The following RARB variants were observed in gnomAD, a reference collection of about 807,000 sequenced individuals.
RARB encodes retinoic acid receptor beta, also known as HBV-activated protein.
A neutral mutation model predicts 51.9 loss-of-function variants in RARB; 17 were observed. The ratio of observed to expected loss-of-function variants is 0.33; its 90% confidence interval spans 0.22 to 0.49. The LOEUF (loss-of-function observed/expected upper bound fraction) is 0.49, where lower values mean the gene tolerates loss of function less well. Among genes scored for constraint, RARB ranks in the 20% least tolerant of loss-of-function variants. The probability of loss-of-function intolerance (pLI) is 0.99; values close to 1 mark genes in which losing one functional copy is unlikely to be tolerated. For synonymous variants in RARB, 215 were observed against 195.4 expected, an observed-to-expected ratio of 1.10 and a Z score of -0.84; for missense variants, 369 against 550.8, an observed-to-expected ratio of 0.67 and a Z score of 3.30.
At chr3:24,876,700 C>T (rs1703049809) in intron 2 of RARB, among the ~76,000 whole-genome samples, 1 of 152,088 alleles carries the variant, frequency 6.6e-6, no homozygotes, top group Admixed American at 6.5e-5. Flanking sequence ...CAAGGACCCA[C>T]AATATATTAA....
intron 1 of RARB, among the ~76,000 whole-genome samples, chr3:25,447,823 C>T (rs1307704273): frequency 6.6e-6 from 1 of 151,850 alleles, no homozygotes; most frequent in Non-Finnish European, 1.5e-5. Context: ...TTTAGAGAAT[C>T]TCTTAGGTAC....
At position 25,556,618 on chromosome 3, in the gene RARB, C is replaced by A. The variant is rs73048071; in HGVS notation, c.449-13140C>A. ...TATAAATTACTGGCTTAAATGTGAC[C>A]TTTAAAGTCTCTTGGCCAAAGTTTC... is the stretch of plus-strand genomic sequence containing the variant. On this transcript the variant is annotated intron_variant, in intron 3 of 7. Transcript: ENST00000330688. Among the ~76,000 whole-genome samples the A allele has an allele frequency of 3.4e-3, 516 of 152,252 alleles. 2 individuals carry two copies. The highest frequency in any genetic ancestry group is 0.01 in the Middle Eastern group (3 of 294).
intron 2 of RARB, among the ~76,000 whole-genome samples, chr3:25,492,274 A>G (rs1411190505): frequency 2.0e-5 from 3 of 152,240 alleles, no homozygotes; most frequent in Non-Finnish European, 4.4e-5. Context: ...TTGGAAATAG[A>G]AAAAGATATA....
chr3:24,941,374 C>CTTTT (rs567240324), intron 2 of RARB, among the ~76,000 whole-genome samples: 28 of 145,942 alleles, frequency 1.9e-4, no homozygotes, highest in Middle Eastern at 3.6e-3. Flanking sequence ...AAAAGGCAGT[C>CTTTT]TTTTTTTTTT....
chr3:25,241,611 C>T (rs1241491043), intron 5 of RARB, among the ~76,000 whole-genome samples: 4 of 152,174 alleles, frequency 2.6e-5, no homozygotes, highest in African/African-American at 9.7e-5. Flanking sequence ...TGATGGCTTC[C>T]AGATTCATGC....
At chr3:25,482,099 T>C (rs980615987) in intron 2 of RARB, among the ~76,000 whole-genome samples, 20 of 152,228 alleles carry the variant, frequency 1.3e-4, no homozygotes, top group Admixed American at 6.5e-4. Flanking sequence ...AAGCCTCTGC[T>C]TTCAGCTCCC....
chr3:25,496,005 A>T (rs1184930866), intron 2 of RARB, among the ~76,000 whole-genome samples: 1 of 152,230 alleles, frequency 6.6e-6, no homozygotes, highest in Non-Finnish European at 1.5e-5. Context: ...TCCAACTCAG[A>T]TCAGTGTGTC....
intron 3 of RARB, among the ~76,000 whole-genome samples, chr3:25,065,398 A>G (rs990586716): frequency 1.3e-4 from 20 of 152,220 alleles, no homozygotes; most frequent in African/African-American, 4.8e-4. Context: ...ATGTTTTGAT[A>G]GAGGATAATT....
chr3:25,096,683 A>C (rs1699298160), intron 3 of RARB, among the ~76,000 whole-genome samples: 1 of 152,130 alleles, frequency 6.6e-6, no homozygotes. Context: ...CAGCTTAGCC[A>C]CTTTTACCTG....
intron 5 of RARB, among the ~76,000 whole-genome samples, chr3:25,214,054 C>A (rs1701761730): frequency 6.6e-6 from 1 of 152,198 alleles, no homozygotes; most frequent in Admixed American, 6.5e-5. Flanking sequence ...TCATACATTT[C>A]TGTGAAGATG....
chr3:25,519,065 A>T (rs1698293847), intron 3 of RARB, among the ~76,000 whole-genome samples: 1 of 152,124 alleles, frequency 6.6e-6, no homozygotes, highest in African/African-American at 2.4e-5. Context: ...AGCTTCTTTC[A>T]TTCATCATTA....
chr3:25,197,784 C>T (rs1025421424), intron 5 of RARB, among the ~76,000 whole-genome samples: 1 of 151,576 alleles, frequency 6.6e-6, no homozygotes, highest in Non-Finnish European at 1.5e-5. Context: ...GAAGAAGACA[C>T]AAAAAAATGG....
At chr3:25,100,182 C>T (rs1303452765) in intron 3 of RARB, among the ~76,000 whole-genome samples, 1 of 152,156 alleles carries the variant, frequency 6.6e-6, no homozygotes, top group East Asian at 1.9e-4. Flanking sequence ...AAACAGACAA[C>T]ATATCCGTTT....
intron 5 of RARB, among the ~76,000 whole-genome samples, chr3:25,224,199 C>T (rs746750264): frequency 1.2e-4 from 19 of 152,096 alleles, no homozygotes; most frequent in Non-Finnish European, 1.9e-4. Flanking sequence ...TATTAATGCC[C>T]AACAAACAAG....
At position 25,510,333 on chromosome 3, in the gene RARB, A is replaced by G. The variant is rs149296200; in HGVS notation, c.448+9010A>G. Among the ~76,000 whole-genome samples, 439 of 152,318 alleles carry G rather than the reference A, an allele frequency of 2.9e-3. 4 individuals are homozygous for G. The highest frequency in any genetic ancestry group is 0.017 in the Middle Eastern group (5 of 294). On this transcript the variant is annotated intron_variant, in intron 3 of 7. Coordinates refer to ENST00000330688, the MANE Select transcript of RARB (RefSeq NM_000965.5). ...TATTCGCTCCCACATCAAATATTCT[A>G]TAATTACAGGCCGGGCACAGTGGCC...
At chr3:25,118,898 G>A (rs902159525) in intron 3 of RARB, among the ~76,000 whole-genome samples, 1 of 152,118 alleles carries the variant, frequency 6.6e-6, no homozygotes, top group Non-Finnish European at 1.5e-5. Context: ...AAACTTTAAA[G>A]CATCTATAAC....
At chr3:25,591,685 T>C (rs923498643) in intron 5 of RARB, among the ~76,000 whole-genome samples, 4 of 152,172 alleles carry the variant, frequency 2.6e-5, no homozygotes, top group African/African-American at 9.7e-5. Flanking sequence ...ACATTAGCTA[T>C]TACTGTATGT....
intron 5 of RARB, among the ~76,000 whole-genome samples, chr3:25,305,552 T>G (rs977958916): frequency 2.0e-5 from 3 of 152,166 alleles, no homozygotes; most frequent in Non-Finnish European, 4.4e-5. Flanking sequence ...AAAAGTTGTC[T>G]TGAGAAAATG....
intron 1 of RARB, among the ~76,000 whole-genome samples, chr3:24,839,261 A>T (rs1702385828): frequency 6.6e-6 from 1 of 152,096 alleles, no homozygotes; most frequent in East Asian, 1.9e-4. Flanking sequence ...AATAAGGAAG[A>T]TACTGCTGCA....
Sources: gnomAD v4.1 joint callset for allele counts (sites outside exome capture counted in the v4.1 genomes callset) on GRCh38, gnomAD v4.1.1 for gene constraint, MANE v1.5 for transcripts, NCBI Gene and HGNC (gene_info 2026-07-23, HGNC 2026-07-21) for gene names.